The following SS18 variants were observed in gnomAD, a reference collection of about 807,000 sequenced individuals.
SS18 encodes the protein SS18 subunit of BAF chromatin remodeling complex.
A neutral mutation model predicts 72.5 loss-of-function variants in SS18; 28 were observed. That is an observed-to-expected ratio of 0.39 (90% CI 0.29 to 0.53). The LOEUF (loss-of-function observed/expected upper bound fraction) is 0.53. SS18 is among the 20% of genes least tolerant of loss of function. The pLI is 0.76. For synonymous variants in SS18, 172 were observed against 164.2 expected, an observed-to-expected ratio of 1.05 and a Z score of -0.37; for missense variants, 518 against 535.3, an observed-to-expected ratio of 0.97 and a Z score of 0.32.
intron 10 of SS18, among the ~76,000 whole-genome samples, chr18:26,020,976 A>T (rs2053338568): frequency 6.6e-6 from 1 of 152,168 alleles, no homozygotes; most frequent in Admixed American, 6.5e-5. Context: ...TGTGTCACAT[A>T]TTGTATTAAA....
At chr18:26,028,038 G>A (rs1393068814) in intron 10 of SS18, among the ~76,000 whole-genome samples, 2 of 151,958 alleles carry the variant, frequency 1.3e-5, no homozygotes, top group Non-Finnish European at 1.5e-5. Flanking sequence ...GAAAATATGT[G>A]CAAATGATAC....
chr18:26,056,487 C>G (rs2054024154), intron 4 of SS18, among the ~76,000 whole-genome samples: 2 of 152,136 alleles, frequency 1.3e-5, no homozygotes, highest in South Asian at 2.1e-4. Context: ...CAAGCCTTAG[C>G]AGGAAATAGG....
At position 26,057,674 on chromosome 18, in the gene SS18, G is replaced by A; in HGVS notation, c.300C>T (p.Arg100=). 1 of 1,614,166 alleles carries A rather than the reference G, an allele frequency of 6.2e-7. No homozygotes were observed. The highest frequency in any genetic ancestry group is 2.2e-5 in the East Asian group (1 of 44,884). ...MNQSGPPPPP[R]SHNMPSDGMV... ...TTCCATCTGAAGGCATGTTGTGAGA[G>A]CGTGGAGGTGGGGGAGGGCCGCTCT... Residue 100 remains arginine, a synonymous_variant, in exon 4 of 11, where the codon CGC becomes CGT. Coordinates refer to ENST00000415083, the MANE Select transcript of SS18 (RefSeq NM_001007559.3).
chr18:26,090,169 A>C lies in SS18; in HGVS notation c.69+332T>G, dbSNP rs533025692. The C allele has an allele frequency of 1.6e-4, 55 of 348,186 alleles. No individual in the cohort carries two copies. In the Admixed American group the frequency reaches 1.9e-3, roughly 12 times the overall value. The allele number at this position is 348,186 out of a possible 1,614,324, so 21.6% of individuals were successfully genotyped here. On this transcript the variant is annotated intron_variant, in intron 1 of 10. Coordinates refer to ENST00000415083, the MANE Select transcript of SS18 (RefSeq NM_001007559.3). ...AGCAACGCGCGGGGCCGCCGGTCCGACACACGCCCTTCCCTGAGCGGCCGC... is the reference window on the plus strand; with the variant it reads ...AGCAACGCGCGGGGCCGCCGGTCCGCCACACGCCCTTCCCTGAGCGGCCGC...
At chr18:26,090,723 A>AG, upstream of SS18, 1 of 746,990 alleles carries the variant, frequency 1.3e-6, no homozygotes, top group Non-Finnish European at 2.2e-6. Flanking sequence ...GCAGGCCTGA[A>AG]GGAGGCACTC....
In SS18 at chr18:26,024,041, C is replaced by T. The variant is rs185873171; in HGVS notation, c.1231-5661G>A. On this transcript the variant is annotated intron_variant, in intron 10 of 10. Transcript: ENST00000415083. ...AAGACACTGATACACGCTACACAGA[C>T]GAACCTTGAAAATATTATTTTAAGT... Among the ~76,000 whole-genome samples, 506 of 152,036 alleles carry T rather than the reference C, an allele frequency of 3.3e-3. 6 individuals are homozygous for T. Among genetic ancestry groups the T allele is most frequent in the African/African-American group, 0.011 (470 of 41,504 alleles).
At chr18:26,061,704 G>C (rs1246450745) in intron 3 of SS18, among the ~76,000 whole-genome samples, 1 of 150,686 alleles carries the variant, frequency 6.6e-6, no homozygotes, top group African/African-American at 2.4e-5. Flanking sequence ...TCCACACTAA[G>C]AAAAAAATAC....
Position 26,052,842 on chromosome 18 carries a change from G to A in SS18, c.389C>T (p.Pro130Leu). ...AGGTCCCTGCATAGGCATATGGTTAGGCCCTTTGAAGAAAAATGATCAGAA... is the reference window on the plus strand; with the variant it reads ...AGGTCCCTGCATAGGCATATGGTTAAGCCCTTTGAAGAAAAATGATCAGAA... ...QNQMNGQMPG[P>L]NHMPMQGPGP... The change falls in exon 5 of 11, where the codon CCT becomes CTT. Residue 130 changes from proline (P) to leucine (L), a missense_variant. Coordinates refer to ENST00000415083, the MANE Select transcript of SS18 (RefSeq NM_001007559.3). The A allele has an allele frequency of 1.2e-6, 2 of 1,611,136 alleles. No homozygotes were observed. Among genetic ancestry groups the A allele is most frequent in the African/African-American group, 1.3e-5 (1 of 75,002 alleles).
chr18:26,033,806 T>G (rs2053584268), intron 9 of SS18, among the ~76,000 whole-genome samples: 1 of 152,082 alleles, frequency 6.6e-6, no homozygotes, highest in African/African-American at 2.4e-5. Context: ...CTATAATACT[T>G]CAACAAAAAT....
chr18:26,080,723 T>C (rs2054502558), intron 2 of SS18, among the ~76,000 whole-genome samples: 1 of 152,188 alleles, frequency 6.6e-6, no homozygotes, highest in South Asian at 2.1e-4. Context: ...ATATTTTTTC[T>C]CCCAGATTCT....
intron 10 of SS18, among the ~76,000 whole-genome samples, chr18:26,028,877 CTG>C (rs2053496912): frequency 6.6e-6 from 1 of 152,062 alleles, no homozygotes; most frequent in Non-Finnish European, 1.5e-5. Flanking sequence ...AAAGATCAAA[CTG>C]TACACTTTTA....
chr18:26,077,950 T>C, intron 3 of SS18, 126 bp downstream of exon 3: 1 of 572,650 alleles, frequency 1.7e-6, no homozygotes, highest in Non-Finnish European at 3.0e-6. Context: ...TAACATAGAA[T>C]ACTTTCATGT....
rs572306 is a variant in SS18 at position 26,076,005 on chromosome 18, A to T, written c.231+2071T>A. ...GTATTAAATATCTAGCAATAAGCCCAATGAGAGATGTGCAAACCATCTACA... is the reference window on the plus strand; with the variant it reads ...GTATTAAATATCTAGCAATAAGCCCTATGAGAGATGTGCAAACCATCTACA... On this transcript the variant is annotated intron_variant, in intron 3 of 10. Coordinates refer to ENST00000415083, the MANE Select transcript of SS18 (RefSeq NM_001007559.3). Among the ~76,000 whole-genome samples, 3 of 152,056 alleles carry T rather than the reference A, an allele frequency of 2.0e-5. No homozygotes were observed. In the East Asian group the frequency reaches 5.8e-4, roughly 29 times the overall value.
chr18:26,025,502 C>G (rs1324890268), intron 10 of SS18, among the ~76,000 whole-genome samples: 1 of 151,790 alleles, frequency 6.6e-6, no homozygotes, highest in Non-Finnish European at 1.5e-5. Flanking sequence ...AGAGAAGACA[C>G]AAATTATTAA....
intron 2 of SS18, chr18:26,078,384 T>C (rs931602728): frequency 1.4e-5 from 5 of 367,086 alleles, no homozygotes; most frequent in Non-Finnish European, 2.4e-5. Flanking sequence ...TATAATTTTT[T>C]ATATGCATAT....
intron 5 of SS18, among the ~76,000 whole-genome samples, chr18:26,046,646 T>C (rs772223876): frequency 1.3e-5 from 2 of 152,248 alleles, no homozygotes; most frequent in Non-Finnish European, 2.9e-5. Context: ...CCATTTACAC[T>C]GAATTTGGGT....
intron 3 of SS18, among the ~76,000 whole-genome samples, chr18:26,075,443 A>G (rs937037042): frequency 2.0e-5 from 3 of 151,968 alleles, no homozygotes; most frequent in African/African-American, 7.2e-5. Flanking sequence ...GTATATCAGT[A>G]TATTTTACCA....
chr18:26,079,633 C>T (rs901406159), intron 2 of SS18, among the ~76,000 whole-genome samples: 1 of 152,038 alleles, frequency 6.6e-6, no homozygotes, highest in African/African-American at 2.4e-5. Flanking sequence ...CAGGCTGGAG[C>T]GTGCAGTGGC....
In SS18 at chr18:26,035,048, C is replaced by T. The variant is rs1223043396; in HGVS notation, c.1053G>A (p.Gln351=). 1.2e-6 allele frequency: 2 copies of T among 1,612,730 alleles called. No homozygotes were observed. The highest frequency in any genetic ancestry group is 1.7e-5 in the Admixed American group (1 of 59,944). ...PQQGYPPQQQ[Q]YPGQQGYPGQ... Reference sequence around the variant, plus strand: ...CTGGGTAACCTTGCTGCCCTGGGTACTGCTGCTGCTGGGGTGGATATCCCT... The same window carrying T: ...CTGGGTAACCTTGCTGCCCTGGGTATTGCTGCTGCTGGGGTGGATATCCCT... Residue 351 remains glutamine (Q), a synonymous_variant, in exon 9 of 11, where the codon CAG becomes CAA. Transcript: ENST00000415083. The surrounding 1 kb of genome is among the most constrained non-coding windows in gnomAD (Gnocchi z 4.4).
Sources: gnomAD v4.1 joint callset for allele counts (sites outside exome capture counted in the v4.1 genomes callset) on GRCh38, gnomAD v4.1.1 for gene constraint, Gnocchi (gnomAD v3.1) non-coding constraint, MANE v1.5 for transcripts, NCBI Gene and HGNC (gene_info 2026-07-23, HGNC 2026-07-21) for gene names.